PLCB1: variants seen among roughly 807,000 people sequenced by gnomAD.
PLCB1 encodes phospholipase C beta 1.
PLCB1 carries 46 observed loss-of-function variants against 161.8 expected under a neutral mutation model. The observed-to-expected ratio is 0.28, with a 90% confidence interval of 0.22 to 0.36. PLCB1 has a LOEUF of 0.36. PLCB1 is among the 10% of genes least tolerant of loss of function. PLCB1 has a pLI of 1.00. For synonymous variants in PLCB1, 517 were observed against 503.7 expected, an observed-to-expected ratio of 1.03 and a Z score of -0.35; for missense variants, 1,016 against 1,472.5, an observed-to-expected ratio of 0.69 and a Z score of 5.07.
rs1211390536 is a variant in PLCB1 at position 8,686,196 on chromosome 20, GTAACC to G, written c.1009+1119_1009+1123del. On this transcript the variant is annotated intron_variant, in intron 10 of 31. Coordinates refer to ENST00000338037, the MANE Select transcript of PLCB1 (RefSeq NM_015192.4). ...TTGTGTAGAGGTTAAAATTAAAACT[GTAACC>G]ATTCTTTCTCATCCAAGTTCAAGGA... Among the ~76,000 whole-genome samples the G allele has an allele frequency of 2.6e-5, 4 of 152,170 alleles. No individual in the cohort carries two copies. The East Asian group carries it at 7.7e-4, about 29-fold the overall frequency.
chr20:8,364,886 C>T (rs1415821640), intron 2 of PLCB1, among the ~76,000 whole-genome samples: 3 of 152,112 alleles, frequency 2.0e-5, no homozygotes. Flanking sequence ...TTCTCTATTA[C>T]TTAGGTTTTA....
intron 31 of PLCB1, among the ~76,000 whole-genome samples, chr20:8,851,186 T>C (rs1001552619): frequency 1.3e-5 from 2 of 152,224 alleles, no homozygotes; most frequent in African/African-American, 4.8e-5. Context: ...AATCCCCGAT[T>C]AGATGACCTT....
rs73895713 is a variant in PLCB1 at position 8,266,537 on chromosome 20, G to A, written c.178-104845G>A. On this transcript the variant is annotated intron_variant, in intron 2 of 31. Transcript: ENST00000338037. ...GTCTATGGCCAAGCCAAGAGCAAGC[G>A]TAGGAGGGAGCTACAAAGTTATAGG... is the stretch of plus-strand genomic sequence containing the variant. 8.0e-3 allele frequency among the ~76,000 whole-genome samples: 1,218 copies of A among 152,338 alleles called. 18 individuals are homozygous for A. Among genetic ancestry groups the A allele is most frequent in the African/African-American group, 0.027 (1,137 of 41,576 alleles).
At chr20:8,285,356 T>A (rs1396055113) in intron 2 of PLCB1, among the ~76,000 whole-genome samples, 2 of 151,798 alleles carry the variant, frequency 1.3e-5, no homozygotes, top group Non-Finnish European at 2.9e-5. Context: ...TTATTCCTTT[T>A]CATATTTATT....
intron 2 of PLCB1, among the ~76,000 whole-genome samples, chr20:8,173,858 C>A (rs555509458): frequency 6.6e-5 from 10 of 152,026 alleles, no homozygotes; most frequent in African/African-American, 2.4e-4. Context: ...AATAAAAGAA[C>A]ACAATAGGTG....
chr20:8,644,211 C>T (rs1380989178), intron 4 of PLCB1, among the ~76,000 whole-genome samples: 2 of 152,088 alleles, frequency 1.3e-5, no homozygotes, highest in African/African-American at 2.4e-5. Context: ...TCTGCCCGGC[C>T]ACCACCCCGT....
At chr20:8,626,219 AC>A (rs1317697521) in intron 3 of PLCB1, among the ~76,000 whole-genome samples, 1 of 151,680 alleles carries the variant, frequency 6.6e-6, no homozygotes, top group Non-Finnish European at 1.5e-5. Flanking sequence ...AGCAACAATT[AC>A]TGGGGAAACT....
chr20:8,799,586 T>C (rs2146236833), intron 31 of PLCB1, among the ~76,000 whole-genome samples: 1 of 152,276 alleles, frequency 6.6e-6, no homozygotes, highest in South Asian at 2.1e-4. Flanking sequence ...TCCAAACCAC[T>C]TTAAAGCAAC....
At chr20:8,199,322 A>G (rs909055278) in intron 2 of PLCB1, among the ~76,000 whole-genome samples, 2 of 152,110 alleles carry the variant, frequency 1.3e-5, no homozygotes, top group Non-Finnish European at 2.9e-5. Flanking sequence ...CCCTTTGGGT[A>G]AAAGCCTAGA....
intron 1 of PLCB1, among the ~76,000 whole-genome samples, chr20:8,133,625 C>T (rs1437418424): frequency 6.6e-6 from 1 of 152,132 alleles, no homozygotes; most frequent in Admixed American, 6.5e-5. Flanking sequence ...GTCTTCAAAA[C>T]ACGTAAATTA....
chr20:8,450,537 G>A (rs1240235871), intron 3 of PLCB1, among the ~76,000 whole-genome samples: 2 of 152,050 alleles, frequency 1.3e-5, no homozygotes, highest in African/African-American at 4.8e-5. Flanking sequence ...TTGTACTGCT[G>A]TTTTCTTCTT....
At chr20:8,551,152 A>C (rs887751763) in intron 3 of PLCB1, among the ~76,000 whole-genome samples, 2 of 152,158 alleles carry the variant, frequency 1.3e-5, no homozygotes, top group South Asian at 4.1e-4. Context: ...GTTGGTTTTC[A>C]ATTTAGGATA....
At chr20:8,706,292 C>T (rs1005321907) in intron 11 of PLCB1, among the ~76,000 whole-genome samples, 6 of 152,172 alleles carry the variant, frequency 3.9e-5, no homozygotes, top group East Asian at 1.9e-4. Context: ...AATAAAACCA[C>T]GGCCAAGCCT....
chr20:8,328,351 G>C (rs528048247), intron 2 of PLCB1, among the ~76,000 whole-genome samples: 57 of 152,110 alleles, frequency 3.7e-4, no homozygotes, highest in African/African-American at 1.3e-3. Flanking sequence ...CTTCTGAACA[G>C]TGCTTAAAAT....
chr20:8,438,487 G>T (rs747390719), intron 3 of PLCB1, among the ~76,000 whole-genome samples: 9 of 152,150 alleles, frequency 5.9e-5, no homozygotes, highest in Non-Finnish European at 1.3e-4. Context: ...CAAGTTACAG[G>T]CTGGGAGAAA....
intron 26 of PLCB1, among the ~76,000 whole-genome samples, chr20:8,768,675 G>A (rs898666620): frequency 6.6e-6 from 1 of 152,174 alleles, no homozygotes; most frequent in Non-Finnish European, 1.5e-5. Flanking sequence ...ACCTGGCCAG[G>A]GGCACATGCA....
At chr20:8,513,869 C>T (rs557199941) in intron 3 of PLCB1, among the ~76,000 whole-genome samples, 57 of 151,274 alleles carry the variant, frequency 3.8e-4, no homozygotes, top group African/African-American at 1.3e-3. Context: ...TTAAAAATAA[C>T]AACAAAAAAT....
chr20:8,723,858 A>G (rs1979782468), intron 15 of PLCB1, among the ~76,000 whole-genome samples: 1 of 151,996 alleles, frequency 6.6e-6, no homozygotes. Flanking sequence ...CCAAGAAGGG[A>G]GGGAGGGAAG....
At chr20:8,206,012 T>G (rs2123135211) in intron 2 of PLCB1, among the ~76,000 whole-genome samples, 1 of 152,316 alleles carries the variant, frequency 6.6e-6, no homozygotes, top group Non-Finnish European at 1.5e-5. Flanking sequence ...AAAAACTTTG[T>G]TATGTAATAG....
Sources: allele counts gnomAD v4.1 joint callset (sites outside exome capture counted in the v4.1 genomes callset), GRCh38; gene constraint gnomAD v4.1.1; transcripts MANE v1.5; gene names NCBI Gene and HGNC (gene_info 2026-07-23, HGNC 2026-07-21).